Variants in ARHGAP6 observed in about 807,000 individuals in gnomAD.
The protein encoded by ARHGAP6 is rho GTPase-activating protein 6.
ARHGAP6 carries 16 observed loss-of-function variants against 55.7 expected under a neutral mutation model. The ratio of observed to expected loss-of-function variants is 0.29; its 90% CI spans 0.19 to 0.44. The LOEUF (loss-of-function observed/expected upper bound fraction) is 0.44. Ranked by LOEUF, ARHGAP6 falls within the 20% of genes least tolerant of loss-of-function variation. ARHGAP6 has a pLI of 1.00. For synonymous variants in ARHGAP6, 382 were observed against 360.9 expected (o/e 1.06, Z -0.66); for missense variants, 698 against 808.9 (o/e 0.86, Z 1.66).
chrX:11,171,462 C>T (rs1339470335), intron 8 of ARHGAP6, among the ~76,000 whole-genome samples: 1 of 110,221 alleles, frequency 9.1e-6, no homozygotes, highest in Non-Finnish European at 1.9e-5. Flanking sequence ...ACGAATAAAC[C>T]ATGATGTTTT....
In ARHGAP6 at chrX:11,522,653, C is replaced by T. The variant is rs745825726; in HGVS notation, c.588+141588G>A. Reference sequence around the variant, plus strand: ...AAATCTGGAAGAAATGGATAAATTCCTGGGCACATACACCCTCCTAAGACT... The same window carrying T: ...AAATCTGGAAGAAATGGATAAATTCTTGGGCACATACACCCTCCTAAGACT... On this transcript the variant is annotated intron_variant, in intron 1 of 12. Coordinates refer to ENST00000337414, the MANE Select transcript of ARHGAP6 (RefSeq NM_013427.3). Among the ~76,000 whole-genome samples the T allele has an allele frequency of 2.7e-5, 3 of 111,568 alleles. No individual in the cohort carries two copies. The East Asian group carries it at 8.5e-4, about 31-fold the overall frequency.
intron 1 of ARHGAP6, chrX:11,265,800 C>T: frequency 4.3e-6 from 4 of 926,024 alleles, no homozygotes; most frequent in Admixed American, 9.4e-5. Flanking sequence ...AAAAATGCAT[C>T]CTGAAATGGC....
intron 1 of ARHGAP6, among the ~76,000 whole-genome samples, chrX:11,502,080 G>T (rs2050685775): frequency 8.9e-6 from 1 of 112,310 alleles, no homozygotes; most frequent in African/African-American, 3.2e-5. Flanking sequence ...CAATGCATGA[G>T]TTGCAATAGC....
Position 11,260,253 on chromosome X carries a change from T to G in ARHGAP6, c.589-5546A>C, listed in dbSNP as rs943560128. On this transcript the variant is annotated intron_variant, in intron 1 of 12. Transcript: ENST00000337414. ...TAGCCCAGTGAGGCCCACATGAGAC[T>G]TATGTAAGTTTGTGTTGTAAGTTTG... 5.4e-5 allele frequency among the ~76,000 whole-genome samples: 6 copies of G among 111,583 alleles called. No individual in the cohort carries two copies. In the East Asian group the frequency reaches 1.7e-3, roughly 31 times the overall value.
intron 1 of ARHGAP6, among the ~76,000 whole-genome samples, chrX:11,626,749 T>C (rs953525526): frequency 8.9e-6 from 1 of 111,949 alleles, no homozygotes; most frequent in East Asian, 2.8e-4. Flanking sequence ...TTGATAGACA[T>C]TATTTTAAAA....
At chrX:11,152,845 A>G (rs1410981615) in intron 10 of ARHGAP6, among the ~76,000 whole-genome samples, 14 of 112,246 alleles carry the variant, frequency 1.2e-4, no homozygotes, top group African/African-American at 4.5e-4. Context: ...CATTAAAATC[A>G]TGCAAGAGAC....
At chrX:11,518,451 CT>C (rs1226278609) in intron 1 of ARHGAP6, among the ~76,000 whole-genome samples, 8 of 81,672 alleles carry the variant, frequency 9.8e-5, no homozygotes, top group African/African-American at 1.8e-4. Flanking sequence ...GCCCAATTTT[CT>C]TTTTTTTTTC....
At chrX:11,408,315 C>T (rs770277489) in intron 1 of ARHGAP6, among the ~76,000 whole-genome samples, 67 of 111,068 alleles carry the variant, frequency 6.0e-4, no homozygotes, top group Non-Finnish European at 9.0e-4. Context: ...GTGTGGCAAA[C>T]GTTGTATAAG....
intron 1 of ARHGAP6, among the ~76,000 whole-genome samples, chrX:11,527,662 C>A (rs2051004750): frequency 8.9e-6 from 1 of 112,360 alleles, no homozygotes; most frequent in Non-Finnish European, 1.9e-5. Context: ...TTGTCTGCTG[C>A]ATCTTTTTTA....
chrX:11,592,807 A>G (rs1047862106), intron 1 of ARHGAP6, among the ~76,000 whole-genome samples: 6 of 111,663 alleles, frequency 5.4e-5, no homozygotes, highest in Admixed American at 1.9e-4. Context: ...GTTGTTTGTT[A>G]GCTCAGAGGA....
intron 1 of ARHGAP6, among the ~76,000 whole-genome samples, chrX:11,650,859 C>A (rs2052576585): frequency 8.9e-6 from 1 of 112,369 alleles, no homozygotes; most frequent in Non-Finnish European, 1.9e-5. Context: ...CACTTTGTGA[C>A]CTTCAAGCCT....
intron 1 of ARHGAP6, among the ~76,000 whole-genome samples, chrX:11,414,983 T>A (rs923334560): frequency 1.5e-4 from 17 of 111,779 alleles, no homozygotes; most frequent in African/African-American, 5.5e-4. Context: ...AATAACAATG[T>A]ATTATATACT....
At chrX:11,248,645 T>C (rs1340089268) in intron 2 of ARHGAP6, among the ~76,000 whole-genome samples, 1 of 112,099 alleles carries the variant, frequency 8.9e-6, no homozygotes, top group Non-Finnish European at 1.9e-5. Flanking sequence ...GATATACAAA[T>C]GGACAACAAA....
intron 1 of ARHGAP6, among the ~76,000 whole-genome samples, chrX:11,418,561 C>G (rs61132604): frequency 8.9e-6 from 1 of 111,998 alleles, no homozygotes; most frequent in African/African-American, 3.2e-5. Context: ...TATATTAATA[C>G]ATTTACATAT....
Position 11,144,146 on chromosome X carries a change from G to A in ARHGAP6, c.2010C>T (p.Asp670=). 1.7e-6 allele frequency: 2 copies of A among 1,211,941 alleles called. No individual in the cohort carries two copies. The highest frequency in any genetic ancestry group is 2.2e-6 in the Non-Finnish European group (2 of 895,528). The change falls in exon 11 of 13, where the codon GAC becomes GAT. Residue 670 remains aspartate (D), a synonymous_variant. Transcript: ENST00000337414. ...KASSGDISPY[D]NNSPVLSERS... is the part of the protein sequence containing the mutation. ...GCTCAGACAGCACTGGGGAGTTGTTGTCATAAGGGGAGATGTCTCCGCTGG... is the reference window on the plus strand; with the variant it reads ...GCTCAGACAGCACTGGGGAGTTGTTATCATAAGGGGAGATGTCTCCGCTGG...
chrX:11,214,580 T>G (rs2046851297), intron 2 of ARHGAP6, among the ~76,000 whole-genome samples: 1 of 112,727 alleles, frequency 8.9e-6, no homozygotes, highest in African/African-American at 3.2e-5. Flanking sequence ...CTTGCTTCCT[T>G]TGCCAGGATG....
At chrX:11,272,388 C>T (rs2047703219) in intron 1 of ARHGAP6, among the ~76,000 whole-genome samples, 1 of 110,823 alleles carries the variant, frequency 9.0e-6, no homozygotes, top group African/African-American at 3.3e-5. Context: ...ATGAAACTAT[C>T]AGGGAAGACA....
intron 1 of ARHGAP6, among the ~76,000 whole-genome samples, chrX:11,441,362 C>T (rs1192627359): frequency 8.9e-6 from 1 of 112,005 alleles, no homozygotes; most frequent in East Asian, 2.8e-4. Context: ...CCCTGATCAA[C>T]TCTGTTATCA....
At chrX:11,512,578 A>T (rs1342651394) in intron 1 of ARHGAP6, among the ~76,000 whole-genome samples, 2 of 111,660 alleles carry the variant, frequency 1.8e-5, no homozygotes, top group East Asian at 5.6e-4. Context: ...GTGGCATAAG[A>T]GATGGTACTT....
Sources: gnomAD v4.1 joint callset for allele counts (sites outside exome capture counted in the v4.1 genomes callset) on GRCh38, gnomAD v4.1.1 for gene constraint, MANE v1.5 for transcripts, NCBI Gene and HGNC (gene_info 2026-07-23, HGNC 2026-07-21) for gene names.